PRDM11: variants seen among roughly 807,000 people sequenced by gnomAD.
PRDM11 encodes PR domain-containing protein 11.
In PRDM11, 20 loss-of-function variants were observed where a neutral mutation model predicts 97.8. That is an observed-to-expected ratio of 0.20 (90% CI 0.14 to 0.30). The LOEUF (loss-of-function observed/expected upper bound fraction) is 0.30. Among genes scored for constraint, PRDM11 ranks in the 10% least tolerant of loss-of-function variants. PRDM11 has a pLI of 1.00. For synonymous variants in PRDM11, 599 were observed against 637.7 expected, an observed-to-expected ratio of 0.94 and a Z score of 0.91; for missense variants, 1,139 against 1,555.2, an observed-to-expected ratio of 0.73 and a Z score of 4.50.
chr11:45,147,171 C>T (rs1851535044), intron 1 of PRDM11, among the ~76,000 whole-genome samples: 1 of 151,710 alleles, frequency 6.6e-6, no homozygotes, highest in African/African-American at 2.4e-5. Flanking sequence ...TCGCTCCTCG[C>T]CTTGTTACAA....
chr11:45,189,625 G>A (rs899237505), intron 4 of PRDM11, among the ~76,000 whole-genome samples: 9 of 152,340 alleles, frequency 5.9e-5, no homozygotes, highest in Middle Eastern at 3.4e-3. Flanking sequence ...GACTGCTACC[G>A]TTCTGGGGAG....
intron 5 of PRDM11, among the ~76,000 whole-genome samples, chr11:45,210,265 T>G (rs1853678641): frequency 6.6e-6 from 1 of 152,162 alleles, no homozygotes; most frequent in African/African-American, 2.4e-5. Context: ...CGCCACCCGC[T>G]CCCCACCCCT....
chr11:45,178,528 G>A (rs1310108720), intron 1 of PRDM11, among the ~76,000 whole-genome samples: 1 of 152,200 alleles, frequency 6.6e-6, no homozygotes, highest in African/African-American at 2.4e-5. Flanking sequence ...CTGGAAGAGA[G>A]CTCCATAGGG....
At chr11:45,216,252 C>A (rs1211823597) in intron 5 of PRDM11, 1 of 152,268 alleles carries the variant, frequency 6.6e-6, no homozygotes, top group Non-Finnish European at 1.5e-5. Context: ...ATTTGCAGAA[C>A]AGTCTCAGCC....
intron 1 of PRDM11, among the ~76,000 whole-genome samples, chr11:45,101,358 C>T (rs1851971875): frequency 6.6e-6 from 1 of 152,168 alleles, no homozygotes; most frequent in Non-Finnish European, 1.5e-5. Flanking sequence ...GAGATCGAGA[C>T]CATCCTGGCC....
intron 1 of PRDM11, among the ~76,000 whole-genome samples, chr11:45,134,701 G>GAAAAAAACAAAAAAAAA (rs1852796762): frequency 2.3e-5 from 1 of 44,264 alleles, no homozygotes; most frequent in Non-Finnish European, 3.5e-5. Context: ...CCTGTCTCAC[G>GAAAAAAACAAAAAAAAA]AAAAAAAAAA....
At chr11:45,190,455 C>CTT (rs373876725) in intron 4 of PRDM11, among the ~76,000 whole-genome samples, 49 of 141,564 alleles carry the variant, frequency 3.5e-4, no homozygotes, top group African/African-American at 4.1e-4. Context: ...GCCATACATT[C>CTT]TTTTTTTTTT....
chr11:45,233,126 C>T lies in PRDM11; in HGVS notation c.*4967C>T, dbSNP rs1025467975. On this transcript the variant is annotated 3_prime_UTR_variant, in exon 8 of 8. Coordinates refer to ENST00000683152, the MANE Select transcript of PRDM11 (RefSeq NM_001384648.1). Reference sequence around the variant, plus strand: ...ATAAATAATATCCTATATATTTATACATTTCTATGTTTTAAATAGATATAA... The same window carrying T: ...ATAAATAATATCCTATATATTTATATATTTCTATGTTTTAAATAGATATAA... 8 of 152,144 alleles carry T rather than the reference C, an allele frequency of 5.3e-5. No individual in the cohort carries two copies. The highest frequency in any genetic ancestry group is 1.9e-4 in the African/African-American group (8 of 41,416). The allele number at this position is 152,144 out of a possible 1,614,324, so 9.4% of individuals were successfully genotyped here.
intron 1 of PRDM11, among the ~76,000 whole-genome samples, chr11:45,173,838 C>A (rs1852263333): frequency 6.6e-6 from 1 of 152,088 alleles, no homozygotes; most frequent in Admixed American, 6.5e-5. Flanking sequence ...TAGAGGTCCC[C>A]ATATGGGAGT....
At chr11:45,140,064 C>T (rs1852969687) in intron 1 of PRDM11, among the ~76,000 whole-genome samples, 1 of 152,170 alleles carries the variant, frequency 6.6e-6, no homozygotes, top group African/African-American at 2.4e-5. Context: ...TCTACACATG[C>T]TATTATTACC....
At chr11:45,181,945 G>A (rs1309514469) in intron 2 of PRDM11, 60 bp downstream of exon 2, 27 of 1,484,766 alleles carry the variant, frequency 1.8e-5, no homozygotes, top group Non-Finnish European at 2.1e-5. Flanking sequence ...GCCTGGGCTC[G>A]GTTGGTTGGG....
At chr11:45,225,004 C>A in intron 7 of PRDM11, 161 bp downstream of exon 7, 1 of 1,481,010 alleles carries the variant, frequency 6.8e-7, no homozygotes, top group South Asian at 1.4e-5. Flanking sequence ...TCCTCAGTGT[C>A]TCTGGCAGAC....
chr11:45,224,055 A>G (rs1014198248), intron 6 of PRDM11, among the ~76,000 whole-genome samples, 162 bp from the exon 7 acceptor site: 1 of 152,144 alleles, frequency 6.6e-6, no homozygotes, highest in Non-Finnish European at 1.5e-5. Context: ...GCTCTGATGG[A>G]CCACTGAGTG....
intron 3 of PRDM11, 48 bp downstream of exon 3, chr11:45,182,397 G>A (rs760958562): frequency 4.0e-5 from 60 of 1,518,164 alleles, no homozygotes; most frequent in Non-Finnish European, 4.9e-5. Flanking sequence ...CACCCCCATC[G>A]CCCCATTCCT....
chr11:45,215,325 T>C (rs1446804597), intron 5 of PRDM11, among the ~76,000 whole-genome samples: 1 of 152,246 alleles, frequency 6.6e-6, no homozygotes, highest in Non-Finnish European at 1.5e-5. Flanking sequence ...GGAAATCCCC[T>C]AGTCTTGCCC....
At chr11:45,180,799 G>A (rs1195600064) in intron 1 of PRDM11, among the ~76,000 whole-genome samples, 5 of 150,834 alleles carry the variant, frequency 3.3e-5, no homozygotes, top group Non-Finnish European at 3.0e-5. Flanking sequence ...GGCCCGAGAC[G>A]GGGCGGCCAC....
Position 45,232,126 on chromosome 11 carries a change from G to A in PRDM11, c.*3967G>A, listed in dbSNP as rs913890072. 3.9e-5 allele frequency: 6 copies of A among 152,194 alleles called. No individual in the cohort carries two copies. The highest frequency in any genetic ancestry group is 1.2e-4 in the African/African-American group (5 of 41,426). 9.4% of individuals were successfully genotyped at this position (152,194 alleles called of 1,614,324 possible). On this transcript the variant is annotated 3_prime_UTR_variant, in exon 8 of 8. Transcript: ENST00000683152. ...GGAAAAGTACCTTGTAATTACTTAA[G>A]GTAATGTTTAAATGTTTTCCATTCA...
chr11:45,139,426 G>C (rs1181375216), intron 1 of PRDM11, among the ~76,000 whole-genome samples: 1 of 152,018 alleles, frequency 6.6e-6, no homozygotes, highest in Non-Finnish European at 1.5e-5. Flanking sequence ...AATTAGCTGG[G>C]CATGGTGGCA....
At chr11:45,110,009 G>A (rs1057498103) in intron 1 of PRDM11, among the ~76,000 whole-genome samples, 6 of 152,150 alleles carry the variant, frequency 3.9e-5, no homozygotes, top group African/African-American at 7.2e-5. Context: ...TAGCATAGAC[G>A]TGGTTATCAG....
Sources: gnomAD v4.1 joint callset for allele counts (sites outside exome capture counted in the v4.1 genomes callset) on GRCh38, gnomAD v4.1.1 for gene constraint, MANE v1.5 for transcripts, NCBI Gene and HGNC (gene_info 2026-07-23, HGNC 2026-07-21) for gene names.